The following XKR4 variants were observed in gnomAD, a reference collection of about 807,000 sequenced individuals.
The protein encoded by XKR4 is XK-related protein 4.
Under a neutral mutation model 53.9 loss-of-function variants are expected in XKR4, and 12 were observed. The ratio of observed to expected loss-of-function variants is 0.22; its 90% CI spans 0.14 to 0.36. The LOEUF is 0.36. XKR4 is among the 10% of genes least tolerant of loss of function. The pLI, the probability that XKR4 is intolerant of heterozygous loss-of-function variation, is 1.00. For missense variants in XKR4, 799 were observed against 859.5 expected (o/e 0.93, Z 0.88); for synonymous variants, 354 against 362.4 (o/e 0.98, Z 0.26).
At chr8:55,465,902 G>T (rs1805759733) in intron 2 of XKR4, among the ~76,000 whole-genome samples, 2 of 152,032 alleles carry the variant, frequency 1.3e-5, no homozygotes, top group Admixed American at 1.3e-4. Context: ...ATCATCACTG[G>T]CCATCAGAGA....
chr8:55,174,905 A>G (rs1269575070), intron 1 of XKR4, among the ~76,000 whole-genome samples: 1 of 152,206 alleles, frequency 6.6e-6, no homozygotes, highest in Admixed American at 6.5e-5. Context: ...TGTTTGTCTC[A>G]GGTTGCTCTC....
At chr8:55,330,716 G>A (rs1166789988) in intron 1 of XKR4, among the ~76,000 whole-genome samples, 1 of 152,072 alleles carries the variant, frequency 6.6e-6, no homozygotes, top group African/African-American at 2.4e-5. Context: ...CACCTTCCAT[G>A]AGTCTCCATG....
intron 1 of XKR4, chr8:55,135,251 AT>A (rs1172275554): frequency 1.2e-5 from 2 of 171,092 alleles, no homozygotes; most frequent in African/African-American, 4.7e-5. Flanking sequence ...ATTCTGTTCT[AT>A]ATTATTTCTT....
chr8:55,161,831 C>A (rs976824040), intron 1 of XKR4, among the ~76,000 whole-genome samples: 3 of 152,172 alleles, frequency 2.0e-5, no homozygotes, highest in Non-Finnish European at 4.4e-5. Context: ...TCTTAAAAAC[C>A]AGTGCATTTC....
At chr8:55,316,696 A>G (rs72645641) in intron 1 of XKR4, among the ~76,000 whole-genome samples, 46 of 152,158 alleles carry the variant, frequency 3.0e-4, no homozygotes, top group Non-Finnish European at 5.9e-4. Context: ...CAGCAAACCT[A>G]TCTGAAAACC....
intron 2 of XKR4, among the ~76,000 whole-genome samples, chr8:55,449,267 C>T (rs2129395932): frequency 6.6e-6 from 1 of 152,246 alleles, no homozygotes; most frequent in Middle Eastern, 3.4e-3. Flanking sequence ...TATTTACAGG[C>T]CCATTGCGGG....
chr8:55,411,167 G>T (rs1401697962), intron 2 of XKR4, among the ~76,000 whole-genome samples: 1 of 152,206 alleles, frequency 6.6e-6, no homozygotes, highest in African/African-American at 2.4e-5. Flanking sequence ...TTAGGAGGCA[G>T]CCCTGCAGAA....
intron 1 of XKR4, among the ~76,000 whole-genome samples, chr8:55,311,703 A>G (rs1338906268): frequency 6.6e-6 from 1 of 152,160 alleles, no homozygotes; most frequent in African/African-American, 2.4e-5. Flanking sequence ...CATTGGGGAC[A>G]TATCATCATT....
chr8:55,250,372 T>C (rs1818347388), intron 1 of XKR4, among the ~76,000 whole-genome samples: 1 of 152,200 alleles, frequency 6.6e-6, no homozygotes, highest in Admixed American at 6.5e-5. Flanking sequence ...CTCAGAAATA[T>C]CTAAAAAAGC....
chr8:55,238,913 G>T (rs1818170761), intron 1 of XKR4, among the ~76,000 whole-genome samples: 1 of 152,120 alleles, frequency 6.6e-6, no homozygotes, highest in Non-Finnish European at 1.5e-5. Flanking sequence ...ATAAGTAAAT[G>T]GTGGAGTTAC....
chr8:55,141,645 T>TTCTCTC (rs138063196), intron 1 of XKR4, among the ~76,000 whole-genome samples: 33,017 of 111,850 alleles, frequency 0.3, 5,395 homozygotes, highest in Admixed American at 0.38. Flanking sequence ...GTGCTTCTGC[T>TTCTCTC]TCTCTCTCTC....
In XKR4 at chr8:55,470,060, C is replaced by T. The variant is rs117021566; in HGVS notation, c.1007-53221C>T. ...GACACAAAGGAGGAGGTACTCAGCT[C>T]TATCTGATGTAATGGGGGAAAGTAA... On this transcript the variant is annotated intron_variant, in intron 2 of 2. Coordinates refer to ENST00000327381, the MANE Select transcript of XKR4 (RefSeq NM_052898.2). Among the ~76,000 whole-genome samples the T allele has an allele frequency of 1.9e-3, 295 of 152,120 alleles. 9 individuals are homozygous for T. In the East Asian group the frequency reaches 0.045, roughly 23 times the overall value.
At chr8:55,316,291 C>T (rs2129378855) in intron 1 of XKR4, among the ~76,000 whole-genome samples, 1 of 152,308 alleles carries the variant, frequency 6.6e-6, no homozygotes, top group South Asian at 2.1e-4. Flanking sequence ...CACCGATTCT[C>T]AGGCTGTGAA....
intron 1 of XKR4, among the ~76,000 whole-genome samples, chr8:55,254,643 T>A (rs1585969567): frequency 6.6e-6 from 1 of 151,698 alleles, no homozygotes; most frequent in South Asian, 2.1e-4. Flanking sequence ...GAGCAGAGGG[T>A]CAGGTTGTGC....
At chr8:55,424,576 C>T (rs978157600) in intron 2 of XKR4, among the ~76,000 whole-genome samples, 1 of 152,210 alleles carries the variant, frequency 6.6e-6, no homozygotes, top group African/African-American at 2.4e-5. Flanking sequence ...TAGCAGCCAA[C>T]AACTGGCAGG....
intron 1 of XKR4, among the ~76,000 whole-genome samples, chr8:55,209,854 A>G (rs1817705620): frequency 6.6e-6 from 1 of 152,244 alleles, no homozygotes; most frequent in South Asian, 2.1e-4. Flanking sequence ...ACAGACCAGT[A>G]TGAGAACCCA....
chr8:55,332,509 T>G lies in XKR4; in HGVS notation c.807-25169T>G, dbSNP rs1165278250. 3.9e-5 allele frequency among the ~76,000 whole-genome samples: 6 copies of G among 152,186 alleles called. No individual in the cohort carries two copies. The East Asian group carries it at 1.2e-3, about 29-fold the overall frequency. On this transcript the variant is annotated intron_variant, in intron 1 of 2. Transcript: ENST00000327381. The stretch of plus-strand genomic sequence containing the variant: ...TCTAGTTGCAAGGAACTTCTTCAGC[T>G]TTTGTTTACCTAGTAGTGTCTTAAT...
intron 2 of XKR4, among the ~76,000 whole-genome samples, chr8:55,422,428 C>T (rs1345892371): frequency 6.6e-6 from 1 of 152,060 alleles, no homozygotes; most frequent in East Asian, 1.9e-4. Context: ...AGTGGGGAGG[C>T]TGAGGGAGGA....
At position 55,192,487 on chromosome 8, in the gene XKR4, A is replaced by T. The variant is rs372679642; in HGVS notation, c.806+89193A>T. Among the ~76,000 whole-genome samples, 11 of 152,270 alleles carry T rather than the reference A, an allele frequency of 7.2e-5. No individual in the cohort carries two copies. In the East Asian group the frequency reaches 1.4e-3, roughly 19 times the overall value. The stretch of plus-strand genomic sequence containing the variant: ...ATTTTGCAGTTAGGCAGAAAAATAA[A>T]GCCTAATGGCTTGAAAAGAAAGTCC... On this transcript the variant is annotated intron_variant, in intron 1 of 2. Coordinates refer to ENST00000327381, the MANE Select transcript of XKR4 (RefSeq NM_052898.2).
Sources: allele counts gnomAD v4.1 joint callset (sites outside exome capture counted in the v4.1 genomes callset), GRCh38; gene constraint gnomAD v4.1.1; transcripts MANE v1.5; gene names NCBI Gene and HGNC (gene_info 2026-07-23, HGNC 2026-07-21).